The following PRICKLE1 variants were observed in gnomAD, a reference collection of about 807,000 sequenced individuals.
The protein encoded by PRICKLE1 is prickle-like protein 1.
In PRICKLE1, 14 loss-of-function variants were observed where a neutral mutation model predicts 70.2. That is an observed-to-expected ratio of 0.20 (90% CI 0.13 to 0.31). PRICKLE1 has a LOEUF of 0.31. Among genes scored for constraint, PRICKLE1 ranks in the 10% least tolerant of loss-of-function variants. PRICKLE1 has a pLI of 1.00. For synonymous variants in PRICKLE1, 357 were observed against 379.9 expected, an observed-to-expected ratio of 0.94 and a Z score of 0.70; for missense variants, 821 against 1,026.2, an observed-to-expected ratio of 0.80 and a Z score of 2.73.
chr12:42,588,090 C>G (rs2120825721), intron 1 of PRICKLE1, among the ~76,000 whole-genome samples: 1 of 152,246 alleles, frequency 6.6e-6, no homozygotes, highest in Admixed American at 6.5e-5. Flanking sequence ...ATAATGGAGA[C>G]AGCAAAGGCT....
chr12:42,544,987 ATTT>A (rs11332599), intron 1 of PRICKLE1, among the ~76,000 whole-genome samples: 4 of 144,734 alleles, frequency 2.8e-5, no homozygotes, highest in Non-Finnish European at 4.6e-5. Flanking sequence ...ACCACGCTGA[ATTT>A]TTTTTTTTTT....
intron 1 of PRICKLE1, among the ~76,000 whole-genome samples, chr12:42,580,021 G>A (rs751076448): frequency 3.3e-5 from 5 of 151,950 alleles, no homozygotes; most frequent in African/African-American, 1.2e-4. Flanking sequence ...ACAGGCACCC[G>A]CCACCACGTC....
rs931990479 is a variant in PRICKLE1 at position 42,476,323 on chromosome 12, C to T, written c.-48-3759G>A. ...TCAGTCTCCCAAGTAGCTGGGATTA[C>T]AGGCATGTGCCACCACACCCAGCTA... On this transcript the variant is annotated intron_variant, in intron 1 of 7. Transcript: ENST00000345127. 3.3e-5 allele frequency among the ~76,000 whole-genome samples: 5 copies of T among 152,054 alleles called. No individual in the cohort carries two copies. In the East Asian group the frequency reaches 5.8e-4, roughly 18 times the overall value.
At chr12:42,581,994 G>C (rs1940909480) in intron 1 of PRICKLE1, among the ~76,000 whole-genome samples, 1 of 152,068 alleles carries the variant, frequency 6.6e-6, no homozygotes, top group Non-Finnish European at 1.5e-5. Flanking sequence ...AAAAAAAAGA[G>C]TGATTTTTCT....
chr12:42,543,054 T>C (rs569475798), intron 1 of PRICKLE1, among the ~76,000 whole-genome samples: 9 of 152,356 alleles, frequency 5.9e-5, no homozygotes, highest in Non-Finnish European at 1.3e-4. Context: ...GCATCATTTA[T>C]GAACCAGAAA....
chr12:42,577,372 A>G (rs913493078), intron 1 of PRICKLE1, among the ~76,000 whole-genome samples: 2 of 152,076 alleles, frequency 1.3e-5, no homozygotes, highest in African/African-American at 4.8e-5. Context: ...GGAAGTGTAT[A>G]TTCTGTTAGG....
chr12:42,517,306 A>AT (rs71794718), intron 1 of PRICKLE1, among the ~76,000 whole-genome samples: 20,770 of 88,148 alleles, frequency 0.24, 4,600 homozygotes, highest in East Asian at 0.31. Flanking sequence ...TCAGTCTGCC[A>AT]TTTTTTTTTT....
At chr12:42,477,730 T>C (rs943286888) in intron 1 of PRICKLE1, among the ~76,000 whole-genome samples, 14 of 151,776 alleles carry the variant, frequency 9.2e-5, no homozygotes, top group Non-Finnish European at 1.8e-4. Flanking sequence ...AGACCACAGG[T>C]AAATCAGACC....
At chr12:42,504,338 G>T (rs1325118786) in intron 1 of PRICKLE1, among the ~76,000 whole-genome samples, 5 of 152,150 alleles carry the variant, frequency 3.3e-5, no homozygotes, top group African/African-American at 7.2e-5. Context: ...TATAATTCAA[G>T]TGACTTTAAG....
chr12:42,526,312 G>C (rs1308031909), intron 1 of PRICKLE1, among the ~76,000 whole-genome samples: 5 of 152,060 alleles, frequency 3.3e-5, no homozygotes. Context: ...CTGTATGCTT[G>C]TATGCTGATG....
intron 1 of PRICKLE1, among the ~76,000 whole-genome samples, chr12:42,556,736 T>C (rs1940418495): frequency 2.6e-5 from 4 of 152,234 alleles, no homozygotes; most frequent in Admixed American, 2.6e-4. Flanking sequence ...CCCAACTTCT[T>C]GACTTTCCAA....
Position 42,470,226 on chromosome 12 carries a change from C to G in PRICKLE1, c.246+20G>C. 6.6e-7 allele frequency: 1 copy of G among 1,516,226 alleles called. No individual in the cohort carries two copies. Among genetic ancestry groups the G allele is most frequent in the Non-Finnish European group, 9.2e-7 (1 of 1,090,956 alleles). The allele number at this position is 1,516,226 out of a possible 1,614,324, so 93.9% of individuals were successfully genotyped here. On this transcript the variant is annotated intron_variant, in intron 3 of 7. Coordinates refer to ENST00000345127, the MANE Select transcript of PRICKLE1 (RefSeq NM_153026.3). Reference sequence around the variant, plus strand: ...ATTTTTTCTTCTTTTTTCTAATTAGCCTTCTTCCTGCTATTTTACCTCATT... The same window carrying G: ...ATTTTTTCTTCTTTTTTCTAATTAGGCTTCTTCCTGCTATTTTACCTCATT...
intron 1 of PRICKLE1, among the ~76,000 whole-genome samples, chr12:42,506,785 C>A (rs921488466): frequency 6.6e-6 from 1 of 151,232 alleles, no homozygotes; most frequent in Non-Finnish European, 1.5e-5. Flanking sequence ...CTTGGCCAGG[C>A]TGGTCTTGAA....
At chr12:42,485,077 T>G (rs1669916) in intron 1 of PRICKLE1, among the ~76,000 whole-genome samples, 121,986 of 151,714 alleles carry the variant, frequency 0.8, 49,525 homozygotes, top group African/African-American at 0.9. Context: ...TTCCTTGGGA[T>G]TGATTTGCAA....
intron 1 of PRICKLE1, among the ~76,000 whole-genome samples, chr12:42,536,927 G>A (rs1039040316): frequency 1.9e-4 from 29 of 152,062 alleles, no homozygotes; most frequent in African/African-American, 6.5e-4. Context: ...TTACTGGTAC[G>A]TATACATATT....
chr12:42,507,019 C>T (rs1340178918), intron 1 of PRICKLE1, among the ~76,000 whole-genome samples: 1 of 152,022 alleles, frequency 6.6e-6, no homozygotes, highest in Non-Finnish European at 1.5e-5. Flanking sequence ...TATCTAAACC[C>T]ATTATTTGGG....
intron 1 of PRICKLE1, among the ~76,000 whole-genome samples, chr12:42,564,172 C>T (rs966206571): frequency 5.6e-5 from 8 of 143,902 alleles, no homozygotes; most frequent in Non-Finnish European, 1.2e-4. Flanking sequence ...GCAGGAGAAT[C>T]GTGAACCCGG....
At chr12:42,558,601 C>T (rs1940451631) in intron 1 of PRICKLE1, among the ~76,000 whole-genome samples, 2 of 152,202 alleles carry the variant, frequency 1.3e-5, no homozygotes, top group Admixed American at 6.5e-5. Context: ...GGATGCCAGC[C>T]GTGAGTGAAC....
intron 1 of PRICKLE1, among the ~76,000 whole-genome samples, chr12:42,570,812 T>G (rs1940698502): frequency 6.6e-6 from 1 of 152,156 alleles, no homozygotes; most frequent in South Asian, 2.1e-4. Context: ...AGAGCAAAAC[T>G]CTGTCTCTAA....
Sources: allele counts gnomAD v4.1 joint callset (sites outside exome capture counted in the v4.1 genomes callset), GRCh38; gene constraint gnomAD v4.1.1; transcripts MANE v1.5; gene names NCBI Gene and HGNC (gene_info 2026-07-23, HGNC 2026-07-21).